SLC43A1: variants seen among roughly 807,000 people sequenced by gnomAD.
The protein encoded by SLC43A1 is solute carrier family 43 member 1, also known as large neutral amino acids transporter small subunit 3.
A neutral mutation model predicts 59.5 loss-of-function variants in SLC43A1; 31 were observed. The ratio of observed to expected loss-of-function variants is 0.52; its 90% CI spans 0.39 to 0.70. The LOEUF (loss-of-function observed/expected upper bound fraction) is 0.70. Ranked by LOEUF, SLC43A1 falls within the 30% of genes least tolerant of loss-of-function variation. The probability of loss-of-function intolerance (pLI) is 0.00; values close to 1 mark genes in which losing one functional copy is unlikely to be tolerated. For missense variants in SLC43A1, 598 were observed against 717.8 expected (o/e 0.83, Z 1.91); for synonymous variants, 259 against 290.9 (o/e 0.89, Z 1.12).
intron 2 of SLC43A1, 106 bp downstream of exon 2, chr11:57,513,852 C>T (rs1258891728): frequency 1.8e-5 from 16 of 876,646 alleles, no homozygotes; most frequent in Non-Finnish European, 2.8e-5. Flanking sequence ...GGCTGTCCAA[C>T]TGCTGACCCT....
intron 12 of SLC43A1, 37 bp from the exon 13 acceptor site, chr11:57,489,026 G>A (rs1311536762): frequency 1.9e-6 from 3 of 1,594,784 alleles, no homozygotes; most frequent in Non-Finnish European, 2.6e-6. Context: ...GGTTAGGAGA[G>A]TGTGTGGAGG....
chr11:57,493,860 T>C, intron 8 of SLC43A1, 133 bp downstream of exon 8: 1 of 800,762 alleles, frequency 1.2e-6, no homozygotes, highest in South Asian at 2.2e-5. Context: ...ATGAGGAGCA[T>C]GCCCCACCTA....
chr11:57,513,265 C>T (rs1476381594), intron 2 of SLC43A1, among the ~76,000 whole-genome samples: 5 of 152,232 alleles, frequency 3.3e-5, no homozygotes, highest in Admixed American at 3.3e-4. Context: ...CCACCCAGCT[C>T]CTGAGGCGGA....
intron 8 of SLC43A1, 80 bp from the exon 9 acceptor site, chr11:57,491,942 G>C: frequency 7.3e-7 from 1 of 1,377,038 alleles, no homozygotes; most frequent in Non-Finnish European, 1.0e-6. Flanking sequence ...CAGTTCTTGG[G>C]GGGAGTGACA....
chr11:57,501,078 T>C, intron 3 of SLC43A1, 35 bp from the exon 4 acceptor site: 1 of 1,607,514 alleles, frequency 6.2e-7, no homozygotes, highest in Non-Finnish European at 8.5e-7. Flanking sequence ...GGGGTTGGCC[T>C]GTGAGCACCC....
At chr11:57,487,028 T>C (rs1943752055) in intron 14 of SLC43A1, 67 bp downstream of exon 14, 1 of 1,559,812 alleles carries the variant, frequency 6.4e-7, no homozygotes, top group African/African-American at 1.4e-5. Context: ...TGGCACCACA[T>C]ACAAGGCCCT....
chr11:57,500,103 C>T (rs1406053363), intron 5 of SLC43A1, among the ~76,000 whole-genome samples: 6 of 152,190 alleles, frequency 3.9e-5, no homozygotes, highest in African/African-American at 1.4e-4. Context: ...CACTCCTAAG[C>T]CTTTAACGCG....
At chr11:57,506,571 G>A (rs7933797) in intron 2 of SLC43A1, among the ~76,000 whole-genome samples, 13,650 of 152,036 alleles carry the variant, frequency 0.09, 683 homozygotes, top group African/African-American at 0.12. Context: ...TTGGGCTCTC[G>A]CTGGTGTCTT....
intron 7 of SLC43A1, among the ~76,000 whole-genome samples, chr11:57,495,498 GACC>G (rs1944051248): frequency 6.6e-6 from 1 of 151,814 alleles, no homozygotes; most frequent in South Asian, 2.1e-4. Context: ...ACCATGTTTT[GACC>G]ACCTGTTATG....
In SLC43A1 at chr11:57,501,042, C is replaced by G. The variant is rs1223334521; in HGVS notation, c.334G>C (p.Ala112Pro). Residue 112 changes from alanine (A) to proline (P), a missense_variant and splice_region_variant, in exon 4 of 15, where the codon GCC (alanine) becomes CCC (proline). Coordinates refer to ENST00000278426, the MANE Select transcript of SLC43A1 (RefSeq NM_003627.6). Reference sequence around the variant, plus strand: ...AGGGTGCAGGACGCAGTGAAGCAGGCACTGTGGAGACACAGGGAAGGGCGA... The same window carrying G: ...AGGGTGCAGGACGCAGTGAAGCAGGGACTGTGGAGACACAGGGAAGGGCGA... ...GPRPVRLVGSACFTASCTLMA... is the reference protein window; with the variant it reads ...GPRPVRLVGSPCFTASCTLMA... 1.2e-6 allele frequency: 2 copies of G among 1,603,966 alleles called. No homozygotes were observed. The highest frequency in any genetic ancestry group is 1.3e-5 in the African/African-American group (1 of 74,726).
chr11:57,514,131 A>G lies in SLC43A1; in HGVS notation c.-13-7T>C, dbSNP rs757377032. The stretch of plus-strand genomic sequence containing the variant: ...GGCCATGCTGGCCCCGAGCCTGCAC[A>G]GAAACAGAGCGCTGGGTGAAGGGCC... On this transcript the variant is annotated splice_region_variant and splice_polypyrimidine_tract_variant and intron_variant, in intron 1 of 14. Coordinates refer to ENST00000278426, the MANE Select transcript of SLC43A1 (RefSeq NM_003627.6). This position sits in a 1 kb window ranked among gnomAD's most constrained non-coding sequence, Gnocchi z 5.5. 3 of 1,574,360 alleles carry G rather than the reference A, an allele frequency of 1.9e-6. No homozygotes were observed. The highest frequency in any genetic ancestry group is 2.6e-6 in the Non-Finnish European group (3 of 1,162,206).
chr11:57,492,536 GTATATA>G (rs71061509), intron 8 of SLC43A1, among the ~76,000 whole-genome samples: 911 of 79,776 alleles, frequency 0.011, 10 homozygotes, highest in Admixed American at 0.043. Flanking sequence ...ATAATTTTGT[GTATATA>G]TATATATATA....
rs192011944 is a variant in SLC43A1, at chr11:57,504,113, C to T, written c.155-2784G>A. ...TTGGGAGGCTGAGGCAGGAGAATGGCGTGAACCCGGGAGGCGGAGCTTGCA... is the reference window on the plus strand; with the variant it reads ...TTGGGAGGCTGAGGCAGGAGAATGGTGTGAACCCGGGAGGCGGAGCTTGCA... On this transcript the variant is annotated intron_variant, in intron 2 of 14. Transcript: ENST00000278426. Among the ~76,000 whole-genome samples the T allele has an allele frequency of 5.6e-3, 857 of 152,254 alleles. 10 individuals carry two copies. The highest frequency in any genetic ancestry group is 0.019 in the African/African-American group (800 of 41,552).
rs1237985760 is a variant in SLC43A1, at chr11:57,491,829, G to GGGGA, written c.901_904dup (p.Pro302LeufsTer40). The stretch of plus-strand genomic sequence containing the variant: ...GGTGAGGAGGCTCCACAGGAAAGTG[G>GGGGA]GGGAGCAGAGGCTCTTGCGTAAGGG... On this transcript the variant is annotated frameshift_variant, in exon 9 of 15. Transcript: ENST00000278426. LOFTEE classifies it high-confidence loss of function. The GGGGA allele has an allele frequency of 2.5e-6, 4 of 1,614,184 alleles. No individual in the cohort carries two copies. Among genetic ancestry groups the GGGGA allele is most frequent in the Middle Eastern group, 1.6e-4 (1 of 6,062 alleles).
chr11:57,509,636 AGGAAGGAAGGAAGGAG>A (rs1286242066), intron 2 of SLC43A1, among the ~76,000 whole-genome samples: 5 of 128,000 alleles, frequency 3.9e-5, no homozygotes, highest in Non-Finnish European at 8.3e-5. Flanking sequence ...GAAGGAAGGA[AGGAAGGAAGGAAGGAG>A]GGAGGGAGGG....
intron 7 of SLC43A1, among the ~76,000 whole-genome samples, chr11:57,495,207 A>G (rs2848640): frequency 0.8 from 121,338 of 151,744 alleles, 48,839 homozygotes; most frequent in East Asian, 0.89. Flanking sequence ...AGTTACCATG[A>G]GCTGAGCATG....
intron 8 of SLC43A1, among the ~76,000 whole-genome samples, chr11:57,492,463 A>G (rs1353870416): frequency 7.4e-6 from 1 of 135,084 alleles, no homozygotes; most frequent in Non-Finnish European, 1.5e-5. Context: ...ATATAAATAT[A>G]TATATAATTT....
rs1944073550 is a variant in SLC43A1 at position 57,496,025 on chromosome 11, A to G, written c.692+6T>C. The G allele has an allele frequency of 6.2e-7, 1 of 1,613,672 alleles. No homozygotes were observed. The highest frequency in any genetic ancestry group is 8.5e-7 in the Non-Finnish European group (1 of 1,179,828). On this transcript the variant is annotated splice_donor_region_variant and intron_variant, in intron 7 of 14. Transcript: ENST00000278426. ...GGGAGAGTCTCTGCCCACTCCAGCC[A>G]CTCACGTGTAATTGACTTCCTCAGG...
intron 7 of SLC43A1, among the ~76,000 whole-genome samples, chr11:57,495,030 T>C (rs1242592025): frequency 6.6e-6 from 1 of 151,814 alleles, no homozygotes; most frequent in African/African-American, 2.4e-5. Flanking sequence ...GTATTTTTAG[T>C]AGAGACGGTG....
Sources: gnomAD v4.1 joint callset for allele counts (sites outside exome capture counted in the v4.1 genomes callset) on GRCh38, gnomAD v4.1.1 for gene constraint, Gnocchi (gnomAD v3.1) non-coding constraint, MANE v1.5 for transcripts, NCBI Gene and HGNC (gene_info 2026-07-23, HGNC 2026-07-21) for gene names.